The following SAMMSON variants were observed in gnomAD, a reference collection of about 807,000 sequenced individuals.
SAMMSON encodes the protein survival associated mitochondrial melanoma specific oncogenic non-coding RNA.
At chr3:70,034,719 C>T (rs1035791075) in intron 3 of SAMMSON, among the ~76,000 whole-genome samples, 1 of 152,136 alleles carries the variant, frequency 6.6e-6, no homozygotes, top group Non-Finnish European at 1.5e-5. Context: ...TAGCGGGCAC[C>T]TGTAATCCCA....
In SAMMSON at chr3:70,006,822, G is replaced by T. The variant is rs183226423; in HGVS notation, n.23-5535G>T. Among the ~76,000 whole-genome samples, 161 of 111,098 alleles carry T rather than the reference G, an allele frequency of 1.4e-3. 6 individuals are homozygous for T. The East Asian group carries it at 0.039, about 27-fold the overall frequency. 72.9% of individuals were successfully genotyped at this position (111,098 alleles called of 152,430 possible). ...CTCCCCCCACCCCACAACAGGCCCC[G>T]GTGTGTGATGTTCCCTTTCCTGTGT... On this transcript the variant is annotated intron_variant and non_coding_transcript_variant, in intron 1 of 9. Coordinates refer to ENST00000642114, the Ensembl canonical transcript of SAMMSON.
At chr3:70,079,927 A>G (rs1033875113) in intron 4 of SAMMSON, among the ~76,000 whole-genome samples, 5 of 152,156 alleles carry the variant, frequency 3.3e-5, no homozygotes, top group Non-Finnish European at 7.4e-5. Context: ...GGGGCAGCAA[A>G]TGGCTTGCTG....
chr3:70,366,989 C>T (rs955717563), intron 9 of SAMMSON, among the ~76,000 whole-genome samples: 4 of 151,288 alleles, frequency 2.6e-5, no homozygotes, highest in African/African-American at 9.7e-5. Flanking sequence ...CTGAGGTTTC[C>T]GTTCGTACTT....
intron 4 of SAMMSON, among the ~76,000 whole-genome samples, chr3:70,105,500 C>T (rs1268314408): frequency 2.0e-5 from 3 of 152,136 alleles, no homozygotes; most frequent in South Asian, 2.1e-4. Context: ...CTGCTCCCTC[C>T]GTTTCAGTAT....
intron 3 of SAMMSON, among the ~76,000 whole-genome samples, chr3:70,020,724 A>G (rs538117520): frequency 2.0e-5 from 3 of 152,222 alleles, no homozygotes; most frequent in African/African-American, 4.8e-5. Flanking sequence ...TAATAATAAT[A>G]ATGATAATAG....
intron 2 of SAMMSON, among the ~76,000 whole-genome samples, chr3:70,411,352 C>T (rs1416976789): frequency 6.6e-6 from 1 of 152,152 alleles, no homozygotes; most frequent in African/African-American, 2.4e-5. Context: ...ACAGAAATTT[C>T]ATTTTACAGG....
chr3:70,103,219 A>G (rs1304929639), intron 4 of SAMMSON, among the ~76,000 whole-genome samples: 3 of 152,190 alleles, frequency 2.0e-5, no homozygotes, highest in South Asian at 4.1e-4. Context: ...GGATTTTTGT[A>G]TGAAATCTCT....
chr3:70,346,252 T>C (rs1416491837), intron 7 of SAMMSON, among the ~76,000 whole-genome samples: 1 of 152,162 alleles, frequency 6.6e-6, no homozygotes, highest in Non-Finnish European at 1.5e-5. Context: ...TTTTCATATG[T>C]TTATTTGACA....
chr3:70,018,375 G>T (rs564973499), intron 3 of SAMMSON, among the ~76,000 whole-genome samples: 345 of 152,286 alleles, frequency 2.3e-3, no homozygotes, highest in African/African-American at 8.1e-3. Flanking sequence ...TTGCGTAGAG[G>T]TGTTTATAGT....
At chr3:70,020,237 C>T (rs1576098655) in intron 3 of SAMMSON, among the ~76,000 whole-genome samples, 1 of 152,056 alleles carries the variant, frequency 6.6e-6, no homozygotes, top group African/African-American at 2.4e-5. Flanking sequence ...TTTATTCTTT[C>T]CTTTAGCCTT....
chr3:70,413,487 C>T (rs368722994), intron 2 of SAMMSON, among the ~76,000 whole-genome samples: 4 of 152,104 alleles, frequency 2.6e-5, no homozygotes, highest in South Asian at 4.1e-4. Flanking sequence ...CCTACAGAAG[C>T]CAAATTAATT....
chr3:70,143,181 A>G (rs748348769), intron 4 of SAMMSON, among the ~76,000 whole-genome samples: 3 of 152,122 alleles, frequency 2.0e-5, no homozygotes, highest in African/African-American at 7.2e-5. Flanking sequence ...TCTTGTAACT[A>G]TATTTGTTAG....
intron 4 of SAMMSON, among the ~76,000 whole-genome samples, chr3:70,187,236 G>T (rs1419772962): frequency 1.3e-5 from 2 of 152,040 alleles, no homozygotes; most frequent in African/African-American, 4.8e-5. Context: ...TTCATTAAAG[G>T]GTGCCTTTTA....
intron 3 of SAMMSON, among the ~76,000 whole-genome samples, chr3:70,019,424 A>G (rs558740425): frequency 6.6e-6 from 1 of 151,506 alleles, no homozygotes; most frequent in Non-Finnish European, 1.5e-5. Flanking sequence ...TTTTTGTTTT[A>G]CATTTGCTTG....
intron 2 of SAMMSON, among the ~76,000 whole-genome samples, chr3:70,395,520 CA>C (rs1447626577): frequency 6.6e-6 from 1 of 151,918 alleles, no homozygotes; most frequent in Non-Finnish European, 1.5e-5. Context: ...TGCCTAAATT[CA>C]AAACTATTTT....
At chr3:70,040,107 C>T (rs183854576) in intron 3 of SAMMSON, among the ~76,000 whole-genome samples, 2 of 152,198 alleles carry the variant, frequency 1.3e-5, no homozygotes, top group Admixed American at 1.3e-4. Context: ...AGCTGAGCAA[C>T]ATTTGCACAT....
At chr3:70,057,657 AGTGTGTGT>A (rs35757148) in intron 3 of SAMMSON, among the ~76,000 whole-genome samples, 2 of 148,980 alleles carry the variant, frequency 1.3e-5, no homozygotes, top group South Asian at 4.3e-4. Context: ...TATATGGATG[AGTGTGTGT>A]GTGTGTGTGT....
At chr3:70,152,835 T>TA (rs1389862482) in intron 4 of SAMMSON, among the ~76,000 whole-genome samples, 1 of 152,008 alleles carries the variant, frequency 6.6e-6, no homozygotes, top group Non-Finnish European at 1.5e-5. Flanking sequence ...GCTGTTGTAA[T>TA]ATGGGGGCGT....
At chr3:70,084,006 A>G (rs1163569008) in intron 4 of SAMMSON, among the ~76,000 whole-genome samples, 1 of 152,182 alleles carries the variant, frequency 6.6e-6, no homozygotes, top group African/African-American at 2.4e-5. Flanking sequence ...TTCATCATTC[A>G]GGCTAATTGG....
Sources: allele counts gnomAD v4.1 joint callset (sites outside exome capture counted in the v4.1 genomes callset), GRCh38; gene constraint gnomAD v4.1.1; transcripts MANE v1.5; gene names NCBI Gene and HGNC (gene_info 2026-07-23, HGNC 2026-07-21).